Variants in ADAM12 observed in about 807,000 individuals in gnomAD.
ADAM12 encodes the protein disintegrin and metalloproteinase domain-containing protein 12.
Under a neutral mutation model 106.4 loss-of-function variants are expected in ADAM12, and 70 were observed. The ratio of observed to expected loss-of-function variants is 0.66; its 90% CI spans 0.54 to 0.80. The LOEUF (loss-of-function observed/expected upper bound fraction) is 0.80, where lower values mean the gene tolerates loss of function less well. Among genes scored for constraint, ADAM12 ranks in the 30% least tolerant of loss-of-function variants. The pLI, the probability that ADAM12 is intolerant of heterozygous loss-of-function variation, is 0.00. For synonymous variants in ADAM12, 420 were observed against 433.5 expected, an observed-to-expected ratio of 0.97 and a Z score of 0.39; for missense variants, 1,010 against 1,171.9, an observed-to-expected ratio of 0.86 and a Z score of 2.02.
At chr10:126,069,328 C>T (rs1954936955) in intron 12 of ADAM12, among the ~76,000 whole-genome samples, 1 of 152,148 alleles carries the variant, frequency 6.6e-6, no homozygotes, top group South Asian at 2.1e-4. Context: ...AAAGGCTCAC[C>T]TGTAACTTTC....
intron 18 of ADAM12, chr10:126,041,211 G>A (rs967838587): frequency 6.1e-5 from 26 of 425,338 alleles, no homozygotes; most frequent in Non-Finnish European, 7.9e-5. Context: ...CAGGAGAGTG[G>A]CTGGTGTGTG....
At chr10:126,357,877 C>T (rs917968165) in intron 1 of ADAM12, among the ~76,000 whole-genome samples, 1 of 152,070 alleles carries the variant, frequency 6.6e-6, no homozygotes, top group African/African-American at 2.4e-5. Context: ...AGGGACACAG[C>T]CAAGCTATAT....
chr10:126,128,088 G>T (rs896033988), intron 5 of ADAM12, among the ~76,000 whole-genome samples: 1 of 152,106 alleles, frequency 6.6e-6, no homozygotes, highest in Non-Finnish European at 1.5e-5. Context: ...ATCTAGTTTT[G>T]CCCATTATCA....
intron 1 of ADAM12, among the ~76,000 whole-genome samples, chr10:126,362,404 T>G (rs1855772011): frequency 3.3e-5 from 5 of 152,062 alleles, no homozygotes; most frequent in Non-Finnish European, 7.4e-5. Flanking sequence ...TATTACCATA[T>G]GACCCTGCAA....
At chr10:126,245,003 T>C (rs1256265404) in intron 3 of ADAM12, among the ~76,000 whole-genome samples, 2 of 152,092 alleles carry the variant, frequency 1.3e-5, no homozygotes, top group African/African-American at 2.4e-5. Flanking sequence ...GGGTACATGA[T>C]CAGGGGAGGG....
intron 3 of ADAM12, among the ~76,000 whole-genome samples, chr10:126,225,235 C>T (rs1186083611): frequency 6.6e-6 from 1 of 152,194 alleles, no homozygotes; most frequent in Non-Finnish European, 1.5e-5. Context: ...TGCTAAAGCA[C>T]CATGTATATG....
At chr10:126,111,860 G>C (rs182247843) in intron 6 of ADAM12, among the ~76,000 whole-genome samples, 2 of 152,182 alleles carry the variant, frequency 1.3e-5, no homozygotes, top group East Asian at 3.9e-4. Context: ...ACAGAGAGAG[G>C]TTTACATTAT....
intron 2 of ADAM12, among the ~76,000 whole-genome samples, chr10:126,320,425 G>C (rs917359353): frequency 6.6e-6 from 1 of 152,244 alleles, no homozygotes. Context: ...GGCACTGTCA[G>C]GATAGGTATA....
intron 5 of ADAM12, among the ~76,000 whole-genome samples, chr10:126,132,886 C>T (rs1467336268): frequency 3.3e-5 from 5 of 151,970 alleles, no homozygotes; most frequent in Admixed American, 3.3e-4. Flanking sequence ...CCATTTCACC[C>T]CCTCATCTCT....
At chr10:126,257,456 G>C (rs1367307474) in intron 3 of ADAM12, among the ~76,000 whole-genome samples, 1 of 152,158 alleles carries the variant, frequency 6.6e-6, no homozygotes, top group African/African-American at 2.4e-5. Context: ...GAACAAAGAG[G>C]AACTTCTCAA....
At chr10:126,071,977 A>G (rs1266554002) in intron 11 of ADAM12, among the ~76,000 whole-genome samples, 5 of 152,194 alleles carry the variant, frequency 3.3e-5, no homozygotes, top group African/African-American at 7.2e-5. Context: ...TCTGGGTGAA[A>G]TGATGCTACG....
At chr10:126,221,029 T>C (rs1256509961) in intron 3 of ADAM12, among the ~76,000 whole-genome samples, 1 of 152,186 alleles carries the variant, frequency 6.6e-6, no homozygotes, top group East Asian at 1.9e-4. Flanking sequence ...CAGTTCTCAG[T>C]CATGGAAGAC....
chr10:126,104,626 C>T (rs1170816302), intron 8 of ADAM12, among the ~76,000 whole-genome samples: 2 of 152,080 alleles, frequency 1.3e-5, no homozygotes, highest in African/African-American at 4.8e-5. Flanking sequence ...TGGGCAGGTG[C>T]ACTCCCCGGG....
chr10:126,365,148 T>C (rs1252433592), intron 1 of ADAM12, among the ~76,000 whole-genome samples: 1 of 152,150 alleles, frequency 6.6e-6, no homozygotes, highest in Non-Finnish European at 1.5e-5. Flanking sequence ...AAAACAGTAG[T>C]AAGCCTACAC....
intron 21 of ADAM12, among the ~76,000 whole-genome samples, chr10:126,020,247 T>A (rs1330680241): frequency 6.6e-6 from 1 of 152,228 alleles, no homozygotes; most frequent in Non-Finnish European, 1.5e-5. Flanking sequence ...CTCGTTCATC[T>A]GTGGGTGGAT....
At chr10:126,299,597 T>C (rs1590750129) in intron 2 of ADAM12, among the ~76,000 whole-genome samples, 1 of 152,300 alleles carries the variant, frequency 6.6e-6, no homozygotes, top group East Asian at 1.9e-4. Context: ...AATGCTCATG[T>C]TGAATTTACC....
chr10:126,107,760 C>T (rs1955799840), intron 8 of ADAM12, among the ~76,000 whole-genome samples: 1 of 152,174 alleles, frequency 6.6e-6, no homozygotes, highest in African/African-American at 2.4e-5. Flanking sequence ...GAGGTCTAAC[C>T]TCCCCCCCGC....
At chr10:126,255,686 C>T (rs775721582) in intron 3 of ADAM12, among the ~76,000 whole-genome samples, 1 of 152,214 alleles carries the variant, frequency 6.6e-6, no homozygotes, top group Non-Finnish European at 1.5e-5. Context: ...TTCGTCTTAC[C>T]TTTCTTTGAA....
intron 3 of ADAM12, among the ~76,000 whole-genome samples, chr10:126,198,140 C>T (rs1957632030): frequency 6.6e-6 from 1 of 152,230 alleles, no homozygotes; most frequent in Non-Finnish European, 1.5e-5. Context: ...TGCTCTCCTC[C>T]CTTGAGTCCA....
Sources: allele counts gnomAD v4.1 joint callset (sites outside exome capture counted in the v4.1 genomes callset), GRCh38; gene constraint gnomAD v4.1.1; transcripts MANE v1.5; gene names NCBI Gene and HGNC (gene_info 2026-07-23, HGNC 2026-07-21).